The following SIPA1L1 variants were observed in gnomAD, a reference collection of about 807,000 sequenced individuals.
SIPA1L1 encodes signal induced proliferation associated 1 like 1.
Under a neutral mutation model 162.7 loss-of-function variants are expected in SIPA1L1, and 26 were observed. The ratio of observed to expected loss-of-function variants is 0.16; its 90% confidence interval spans 0.12 to 0.22. The LOEUF is 0.22. Ranked by LOEUF, SIPA1L1 falls within the 10% of genes least tolerant of loss-of-function variation. The pLI, the probability that SIPA1L1 is intolerant of heterozygous loss-of-function variation, is 1.00. For synonymous variants in SIPA1L1, 829 were observed against 837.4 expected, an observed-to-expected ratio of 0.99 and a Z score of 0.17; for missense variants, 1,874 against 2,241.0, an observed-to-expected ratio of 0.84 and a Z score of 3.31.
chr14:71,587,735 C>T lies in SIPA1L1; in HGVS notation c.-138C>T. On this transcript the variant is annotated 5_prime_UTR_variant, in exon 5 of 24. Transcript: ENST00000381232. Reference sequence around the variant, plus strand: ...GCTTTACAAATAAAGCATCATTTAACCTTTTAAATGAAAAAGATTAAGATC... The same window carrying T: ...GCTTTACAAATAAAGCATCATTTAATCTTTTAAATGAAAAAGATTAAGATC... 2 of 803,528 alleles carry T rather than the reference C, an allele frequency of 2.5e-6. No individual in the cohort carries two copies. The highest frequency in any genetic ancestry group is 2.5e-5 in the East Asian group (1 of 40,356). The allele number at this position is 803,528 out of a possible 1,614,324, so 49.8% of individuals were successfully genotyped here.
In SIPA1L1 at chr14:71,735,380, G is replaced by C; in HGVS notation, c.5112G>C (p.Lys1704Asn). 6.2e-7 allele frequency: 1 copy of C among 1,612,896 alleles called. No individual in the cohort carries two copies. The highest frequency in any genetic ancestry group is 8.5e-7 in the Non-Finnish European group (1 of 1,178,882). The change falls in exon 22 of 24, where the codon AAG becomes AAC. Residue 1704 changes from lysine (K) to asparagine (N), a missense_variant. This residue lies in a region of SIPA1L1 where 936 missense variants were observed against 1,051.9 expected (regional missense o/e 0.89). Transcript: ENST00000381232. Reference protein sequence around the residue: ...QLEDQALAQMKPYSSSKDSSP... With the variant: ...QLEDQALAQMNPYSSSKDSSP... ...AGGACCAGGCTCTGGCCCAGATGAA[G>C]CCTTACAGCAGGTTGGTCCCAGTGC...
chr14:71,417,267 C>G (rs548503706), intron 2 of SIPA1L1, among the ~76,000 whole-genome samples: 1 of 151,368 alleles, frequency 6.6e-6, no homozygotes, highest in African/African-American at 2.4e-5. Context: ...GTCAGGAGAT[C>G]GAGACCATCC....
At chr14:71,472,985 A>G (rs534493573) in intron 2 of SIPA1L1, among the ~76,000 whole-genome samples, 34 of 152,122 alleles carry the variant, frequency 2.2e-4, no homozygotes, top group African/African-American at 8.0e-4. Flanking sequence ...AGCTGGGACT[A>G]TAGGCGTTAG....
chr14:71,471,016 T>G (rs1034796144), intron 2 of SIPA1L1, among the ~76,000 whole-genome samples: 1 of 152,120 alleles, frequency 6.6e-6, no homozygotes, highest in Non-Finnish European at 1.5e-5. Flanking sequence ...TTTTTGTATT[T>G]TTTTTAATAG....
At chr14:71,695,053 A>T (rs568141946) in intron 13 of SIPA1L1, among the ~76,000 whole-genome samples, 2 of 152,240 alleles carry the variant, frequency 1.3e-5, no homozygotes, top group Non-Finnish European at 2.9e-5. Flanking sequence ...GCCTCAGGCT[A>T]TCTCTTCAGA....
At chr14:71,402,317 C>T (rs2041727416) in intron 2 of SIPA1L1, among the ~76,000 whole-genome samples, 1 of 151,418 alleles carries the variant, frequency 6.6e-6, no homozygotes, top group Admixed American at 6.6e-5. Context: ...GTTTAGATAA[C>T]AGTGCCACCA....
At chr14:71,410,424 A>G (rs2042320752) in intron 2 of SIPA1L1, among the ~76,000 whole-genome samples, 1 of 152,252 alleles carries the variant, frequency 6.6e-6, no homozygotes, top group East Asian at 1.9e-4. Context: ...TAGTCAGCTC[A>G]CATACATATT....
intron 3 of SIPA1L1, among the ~76,000 whole-genome samples, chr14:71,522,326 T>G (rs555717424): frequency 1.1e-3 from 163 of 152,356 alleles, no homozygotes; most frequent in Non-Finnish European, 1.9e-3. Flanking sequence ...GCTTCTTGTT[T>G]GCTGGCCTTT....
intron 2 of SIPA1L1, among the ~76,000 whole-genome samples, chr14:71,419,521 C>T (rs373889299): frequency 4.0e-5 from 5 of 124,464 alleles, no homozygotes; most frequent in East Asian, 4.9e-4. Context: ...GACGGAGTCT[C>T]GCTCTGTCGC....
intron 17 of SIPA1L1, among the ~76,000 whole-genome samples, chr14:71,718,544 G>A (rs946925070): frequency 6.6e-6 from 1 of 152,168 alleles, no homozygotes; most frequent in Non-Finnish European, 1.5e-5. Context: ...TGGCTACTTG[G>A]GGGGCTAAGG....
At chr14:71,736,602 T>C (rs1392022466) in intron 22 of SIPA1L1, among the ~76,000 whole-genome samples, 1 of 152,128 alleles carries the variant, frequency 6.6e-6, no homozygotes, top group East Asian at 1.9e-4. Flanking sequence ...GTTATGAGTA[T>C]AGGAGAGAGG....
intron 7 of SIPA1L1, among the ~76,000 whole-genome samples, chr14:71,635,201 C>T (rs1005439115): frequency 2.0e-5 from 3 of 152,032 alleles, no homozygotes; most frequent in African/African-American, 7.2e-5. Context: ...ATCACTTGAA[C>T]CCAGGAGGTG....
intron 7 of SIPA1L1, among the ~76,000 whole-genome samples, chr14:71,635,862 G>T (rs1396905310): frequency 6.6e-6 from 1 of 152,030 alleles, no homozygotes; most frequent in Non-Finnish European, 1.5e-5. Flanking sequence ...TAGTTGAAAG[G>T]AAAGAATGGA....
At chr14:71,641,369 G>A (rs1275713378) in intron 7 of SIPA1L1, among the ~76,000 whole-genome samples, 1 of 151,838 alleles carries the variant, frequency 6.6e-6, no homozygotes, top group Admixed American at 6.6e-5. Flanking sequence ...ATAGCCAGAT[G>A]GAAAAATACC....
Position 71,564,366 on chromosome 14 carries a change from C to CT in SIPA1L1, c.-302-23192dup, listed in dbSNP as rs970883769. ...CTGTGACTTTTTTTTTCTTTTTCTT[C>CT]TTTTTTTTTTTTTAAACATACATGG... On this transcript the variant is annotated intron_variant, in intron 4 of 23. Coordinates refer to ENST00000381232, the MANE Select transcript of SIPA1L1 (RefSeq NM_001386936.1). Among the ~76,000 whole-genome samples the CT allele has an allele frequency of 9.1e-4, 118 of 129,028 alleles. 1 individual carries two copies. Among genetic ancestry groups the CT allele is most frequent in the South Asian group, 2.3e-3 (9 of 3,944 alleles). 84.6% of individuals were successfully genotyped at this position (129,028 alleles called of 152,430 possible).
intron 2 of SIPA1L1, among the ~76,000 whole-genome samples, chr14:71,356,742 A>G (rs1048421383): frequency 6.6e-6 from 1 of 151,818 alleles, no homozygotes. Context: ...AACAAATACT[A>G]TTTCACTGAG....
At chr14:71,485,609 C>A (rs766153351) in intron 2 of SIPA1L1, among the ~76,000 whole-genome samples, 1 of 151,816 alleles carries the variant, frequency 6.6e-6, no homozygotes. Flanking sequence ...CTTAGGGCTC[C>A]CACTGACTCT....
At chr14:71,721,185 C>T (rs142254513) in intron 17 of SIPA1L1, among the ~76,000 whole-genome samples, 38 of 152,324 alleles carry the variant, frequency 2.5e-4, no homozygotes, top group Non-Finnish European at 5.3e-4. Context: ...AGTCCAGGAA[C>T]GCTTTGACTC....
In SIPA1L1 at chr14:71,388,536, C is replaced by T. The variant is rs564192583; in HGVS notation, c.-465+67355C>T. Reference sequence around the variant, plus strand: ...TAACGTAATTGAAGCTTACCCTTTCCGTGTCAAATTCCAGACTCTAGAGGC... The same window carrying T: ...TAACGTAATTGAAGCTTACCCTTTCTGTGTCAAATTCCAGACTCTAGAGGC... On this transcript the variant is annotated intron_variant, in intron 2 of 23. Coordinates refer to ENST00000381232, the MANE Select transcript of SIPA1L1 (RefSeq NM_001386936.1). Among the ~76,000 whole-genome samples the T allele has an allele frequency of 5.9e-5, 9 of 152,298 alleles. No individual in the cohort carries two copies. In the South Asian group the frequency reaches 8.3e-4, roughly 14 times the overall value.
Sources: allele counts gnomAD v4.1 joint callset (sites outside exome capture counted in the v4.1 genomes callset), GRCh38; gene constraint gnomAD v4.1.1; regional missense constraint gnomAD v4.1.1; transcripts MANE v1.5; gene names NCBI Gene and HGNC (gene_info 2026-07-23, HGNC 2026-07-21).